The following CLIC5 variants were observed in gnomAD, a reference collection of about 807,000 sequenced individuals.
CLIC5 encodes the protein CLIC family member 5, also known as chloride intracellular channel protein 5.
Under a neutral mutation model 24.7 loss-of-function variants are expected in CLIC5, and 20 were observed. The observed-to-expected ratio is 0.81, with a 90% CI of 0.57 to 1.18. The LOEUF (loss-of-function observed/expected upper bound fraction) is 1.18. Ranked by LOEUF, CLIC5 falls within the 50% of genes most tolerant of loss-of-function variation. The probability of loss-of-function intolerance (pLI) is 0.00; values close to 1 mark genes in which losing one functional copy is unlikely to be tolerated. For synonymous variants in CLIC5, 159 were observed against 135.6 expected, an observed-to-expected ratio of 1.17 and a Z score of -1.20; for missense variants, 341 against 326.1, an observed-to-expected ratio of 1.05 and a Z score of -0.35.
chr6:46,112,121 A>C, the CLIC5 span, among the ~76,000 whole-genome samples: 12 of 152,294 alleles, frequency 7.9e-5, 1 homozygote, highest in African/African-American at 2.6e-4. Context: ...AAATATACTT[A>C]TTTGACATAT....
chr6:46,114,264 A>G, the CLIC5 span, among the ~76,000 whole-genome samples: 1 of 151,836 alleles, frequency 6.6e-6, no homozygotes, highest in East Asian at 1.9e-4. Context: ...CCTTTCCCCC[A>G]CCTAGTTCCC....
the CLIC5 span, among the ~76,000 whole-genome samples, chr6:46,115,581 T>G: frequency 6.6e-6 from 1 of 152,238 alleles, no homozygotes; most frequent in East Asian, 1.9e-4. Flanking sequence ...ACCTTCAGAA[T>G]GCACTAACAC....
intron 1 of CLIC5, among the ~76,000 whole-genome samples, chr6:45,978,049 T>C (rs568133964): frequency 6.6e-6 from 1 of 152,330 alleles, no homozygotes; most frequent in East Asian, 1.9e-4. Flanking sequence ...CTTTGCCACT[T>C]ACTAGGGTTG....
intron 1 of CLIC5, among the ~76,000 whole-genome samples, chr6:46,009,869 C>T (rs901597771): frequency 6.6e-6 from 1 of 152,160 alleles, no homozygotes; most frequent in Non-Finnish European, 1.5e-5. Flanking sequence ...TCAACTTCCC[C>T]TGAGTTTGAA....
At chr6:46,087,513 T>C in the CLIC5 span, among the ~76,000 whole-genome samples, 1 of 152,076 alleles carries the variant, frequency 6.6e-6, no homozygotes, top group Admixed American at 6.6e-5. Context: ...TTACTTAGGT[T>C]GGGACCCAAC....
At chr6:46,077,067 G>C (rs1762789907) in intron 1 of CLIC5, among the ~76,000 whole-genome samples, 1 of 151,932 alleles carries the variant, frequency 6.6e-6, no homozygotes, top group Admixed American at 6.6e-5. Context: ...CTCCAGCCTG[G>C]GTGGCAGAGT....
chr6:45,998,352 G>C (rs954098692), intron 1 of CLIC5, among the ~76,000 whole-genome samples: 2 of 152,192 alleles, frequency 1.3e-5, no homozygotes, highest in South Asian at 2.1e-4. Flanking sequence ...GGCTTGGCAG[G>C]AGCCAGGAGT....
the CLIC5 span, among the ~76,000 whole-genome samples, chr6:46,112,800 T>C: frequency 6.6e-6 from 1 of 152,184 alleles, no homozygotes; most frequent in Non-Finnish European, 1.5e-5. Flanking sequence ...CTGATGCCTG[T>C]AATTCTAGAA....
At chr6:45,923,892 G>A (rs1420897873) in intron 4 of CLIC5, among the ~76,000 whole-genome samples, 2 of 152,208 alleles carry the variant, frequency 1.3e-5, no homozygotes, top group African/African-American at 4.8e-5. Flanking sequence ...ATACTAGCTT[G>A]GGCAGGTTGC....
the CLIC5 span, among the ~76,000 whole-genome samples, chr6:46,086,142 T>A: frequency 6.6e-6 from 1 of 152,068 alleles, no homozygotes; most frequent in South Asian, 2.1e-4. Context: ...CCAGGTGCCA[T>A]CTGTTACCCC....
chr6:46,080,084 G>A (rs202247744), exon 1 of CLIC5: 19 of 1,551,498 alleles, frequency 1.2e-5, no homozygotes, highest in Middle Eastern at 1.7e-4. Context: ...CATACTCATG[G>A]GTATTCAGCT....
At chr6:45,958,069 C>G (rs1764704746) in intron 1 of CLIC5, among the ~76,000 whole-genome samples, 1 of 152,026 alleles carries the variant, frequency 6.6e-6, no homozygotes, top group Non-Finnish European at 1.5e-5. Flanking sequence ...AAACAGGGTC[C>G]TTGCAGGTGG....
In CLIC5 at chr6:45,902,722, A is replaced by C; in HGVS notation, c.*366T>G. On this transcript the variant is annotated 3_prime_UTR_variant, in exon 6 of 6. Coordinates refer to ENST00000339561, the MANE Select transcript of CLIC5 (RefSeq NM_016929.5). ...TGGACGGAGAGGAGGGTAGAAAAGG[A>C]GTTGGTGTTGCATGTTTCTAAAGCA... 1 of 227,266 alleles carries C rather than the reference A, an allele frequency of 4.4e-6. No homozygotes were observed. Among genetic ancestry groups the C allele is most frequent in the Non-Finnish European group, 8.7e-6 (1 of 114,514 alleles). The allele number at this position is 227,266 out of a possible 1,614,324, so 14.1% of individuals were successfully genotyped here.
the CLIC5 span, among the ~76,000 whole-genome samples, chr6:46,086,630 G>A: frequency 6.6e-6 from 1 of 152,164 alleles, no homozygotes; most frequent in African/African-American, 2.4e-5. Context: ...TACTGAAAAT[G>A]AGCAGCCACA....
At chr6:45,882,618 T>C (rs1269299712) in intron 6 of CLIC5, among the ~76,000 whole-genome samples, 1 of 152,256 alleles carries the variant, frequency 6.6e-6, no homozygotes, top group Non-Finnish European at 1.5e-5. Flanking sequence ...AACTCATTAA[T>C]AGTAAGATAC....
intron 1 of CLIC5, among the ~76,000 whole-genome samples, chr6:46,002,583 A>G (rs1766401994): frequency 6.6e-6 from 1 of 152,202 alleles, no homozygotes; most frequent in African/African-American, 2.4e-5. Context: ...CTGACCTGAT[A>G]AAGTAATCCC....
chr6:45,935,788 G>A (rs17288621), intron 4 of CLIC5, among the ~76,000 whole-genome samples: 16,052 of 152,196 alleles, frequency 0.11, 1,156 homozygotes, highest in Admixed American at 0.17. Flanking sequence ...CTCTGGTTGT[G>A]TAGAATCTGA....
At chr6:45,911,771 C>CT (rs1272222763) in intron 5 of CLIC5, 53 of 985,394 alleles carry the variant, frequency 5.4e-5, no homozygotes, top group Non-Finnish European at 5.7e-5. Flanking sequence ...CGTCACTATG[C>CT]TAGGCAAGGA....
At chr6:45,935,174 G>T (rs1763884597) in intron 4 of CLIC5, among the ~76,000 whole-genome samples, 1 of 152,234 alleles carries the variant, frequency 6.6e-6, no homozygotes, top group African/African-American at 2.4e-5. Context: ...TTCAGAGGGA[G>T]AAGTCCACAT....
Sources: allele counts gnomAD v4.1 joint callset (sites outside exome capture counted in the v4.1 genomes callset), GRCh38; gene constraint gnomAD v4.1.1; transcripts MANE v1.5; gene names NCBI Gene and HGNC (gene_info 2026-07-23, HGNC 2026-07-21).